The following BRD10 variants were observed in gnomAD, a reference collection of about 807,000 sequenced individuals.
The protein encoded by BRD10 is bromodomain containing 10.
the BRD10 span, among the ~76,000 whole-genome samples, chr9:5,997,563 A>G: frequency 6.6e-6 from 1 of 152,190 alleles, no homozygotes; most frequent in East Asian, 1.9e-4. Flanking sequence ...AGAAAGTTAG[A>G]TCCAAGTACA....
the BRD10 span, among the ~76,000 whole-genome samples, chr9:5,907,690 C>T: frequency 1.3e-5 from 2 of 152,240 alleles, no homozygotes; most frequent in Non-Finnish European, 2.9e-5. Flanking sequence ...TGGTGGCTCA[C>T]ACCTGTAATC....
At chr9:5,917,621 G>T in the BRD10 span, among the ~76,000 whole-genome samples, 3 of 152,232 alleles carry the variant, frequency 2.0e-5, no homozygotes, top group Non-Finnish European at 4.4e-5. Flanking sequence ...ATCACCTGAG[G>T]TGGGCGGATC....
the BRD10 span, among the ~76,000 whole-genome samples, chr9:5,991,243 A>C: frequency 6.6e-6 from 1 of 152,036 alleles, no homozygotes; most frequent in Non-Finnish European, 1.5e-5. Flanking sequence ...TATGTGTATT[A>C]GTTTTCATAT....
At chr9:5,897,569 C>T in the BRD10 span, 39 of 1,613,980 alleles carry the variant, frequency 2.4e-5, no homozygotes, top group South Asian at 2.7e-4. Flanking sequence ...CCGCTGGGAT[C>T]GGCATCCTGA....
the BRD10 span, chr9:5,922,296 G>C: frequency 6.2e-7 from 1 of 1,613,974 alleles, no homozygotes; most frequent in East Asian, 2.2e-5. Flanking sequence ...GACAGAGGCT[G>C]ACCTGTGGAG....
At chr9:5,892,226 T>G in the BRD10 span, among the ~76,000 whole-genome samples, 1 of 152,226 alleles carries the variant, frequency 6.6e-6, no homozygotes, top group African/African-American at 2.4e-5. Context: ...GTTTCTTCTT[T>G]GAACTTAATT....
At chr9:5,966,039 G>A in the BRD10 span, among the ~76,000 whole-genome samples, 1 of 152,138 alleles carries the variant, frequency 6.6e-6, no homozygotes, top group Non-Finnish European at 1.5e-5. Flanking sequence ...AGACAAAACT[G>A]CATCTACCAG....
the BRD10 span, chr9:5,968,332 T>C: frequency 1.2e-6 from 2 of 1,610,016 alleles, no homozygotes; most frequent in East Asian, 4.5e-5. Flanking sequence ...GAGTATTTTC[T>C]TTTAATGGAC....
At chr9:5,926,442 G>T in the BRD10 span, among the ~76,000 whole-genome samples, 2 of 152,078 alleles carry the variant, frequency 1.3e-5, no homozygotes, top group African/African-American at 4.8e-5. Context: ...TGAGTAGCTG[G>T]GACCACAGGC....
At chr9:5,986,149 G>C in the BRD10 span, among the ~76,000 whole-genome samples, 6 of 152,120 alleles carry the variant, frequency 3.9e-5, no homozygotes, top group Non-Finnish European at 8.8e-5. Context: ...ACAGGCTCCG[G>C]TGTGTGTTGT....
At chr9:5,890,665 C>T in the BRD10 span, 2 of 152,030 alleles carry the variant, frequency 1.3e-5, no homozygotes, top group Non-Finnish European at 2.9e-5. Context: ...GGAGGAGGGA[C>T]CAACATTTAA....
chr9:5,949,740 A>G, the BRD10 span, among the ~76,000 whole-genome samples: 1 of 152,182 alleles, frequency 6.6e-6, no homozygotes, highest in Non-Finnish European at 1.5e-5. Flanking sequence ...TCAACACATT[A>G]GTTTTTAAAA....
chr9:5,996,348 T>C, the BRD10 span, among the ~76,000 whole-genome samples: 1 of 152,150 alleles, frequency 6.6e-6, no homozygotes, highest in Non-Finnish European at 1.5e-5. Flanking sequence ...AGACAACGTC[T>C]TACTCTGTCA....
At chr9:5,919,634 G>C in the BRD10 span, 116 of 1,499,268 alleles carry the variant, frequency 7.7e-5, no homozygotes, top group Middle Eastern at 1.1e-3. Flanking sequence ...ATTTTTATGG[G>C]AGTCAAAACA....
chr9:5,955,965 C>T, the BRD10 span, among the ~76,000 whole-genome samples: 1 of 152,030 alleles, frequency 6.6e-6, no homozygotes, highest in Non-Finnish European at 1.5e-5. Flanking sequence ...TGCCAAGATG[C>T]CTTTCCTCTA....
chr9:6,007,893 C>G, the BRD10 span: 7 of 1,368,514 alleles, frequency 5.1e-6, no homozygotes, highest in Non-Finnish European at 6.6e-6. Flanking sequence ...GCGTAGCCCC[C>G]GCCACATCGG....
chr9:6,001,433 A>G, the BRD10 span, among the ~76,000 whole-genome samples: 1 of 152,170 alleles, frequency 6.6e-6, no homozygotes, highest in Non-Finnish European at 1.5e-5. Context: ...AGCTGCCACT[A>G]CATATCCTCA....
chr9:5,922,417 TAC>T, the BRD10 span: 1 of 1,614,036 alleles, frequency 6.2e-7, no homozygotes. Flanking sequence ...ATAAGTTACT[TAC>T]AGAGGTTACA....
chr9:5,914,021 A>T, the BRD10 span: 1 of 453,500 alleles, frequency 2.2e-6, no homozygotes, highest in Non-Finnish European at 4.4e-6. Context: ...AAAATGCTCA[A>T]GAAAGTTGGA....
Sources: gnomAD v4.1 joint callset for allele counts (sites outside exome capture counted in the v4.1 genomes callset) on GRCh38, gnomAD v4.1.1 for gene constraint, MANE v1.5 for transcripts, NCBI Gene and HGNC (gene_info 2026-07-23, HGNC 2026-07-21) for gene names.